The following KDM3A variants were observed in gnomAD, a reference collection of about 807,000 sequenced individuals.
The protein encoded by KDM3A is lysine-specific demethylase 3A.
In KDM3A, 60 loss-of-function variants were observed where a neutral mutation model predicts 158.0. The ratio of observed to expected loss-of-function variants is 0.38; its 90% CI spans 0.31 to 0.47. The LOEUF is 0.47. Among genes scored for constraint, KDM3A ranks in the 20% least tolerant of loss-of-function variants. The probability of loss-of-function intolerance (pLI) is 0.99; values close to 1 mark genes in which losing one functional copy is unlikely to be tolerated. For synonymous variants in KDM3A, 608 were observed against 549.3 expected, an observed-to-expected ratio of 1.11 and a Z score of -1.49; for missense variants, 1,319 against 1,574.3, an observed-to-expected ratio of 0.84 and a Z score of 2.74.
chr2:86,454,154 C>T (rs1369538344), intron 4 of KDM3A, among the ~76,000 whole-genome samples: 2 of 152,150 alleles, frequency 1.3e-5, no homozygotes, highest in African/African-American at 2.4e-5. Flanking sequence ...AAAAAGAATG[C>T]ATTTTGTAAT....
upstream of KDM3A, chr2:86,441,221 G>C (rs894365941): frequency 6.6e-6 from 1 of 152,336 alleles, no homozygotes; most frequent in Non-Finnish European, 1.5e-5. Flanking sequence ...TTTTTTCTCT[G>C]GCCCCGCCCT....
chr2:86,440,001 C>T (rs576062059), upstream of KDM3A, among the ~76,000 whole-genome samples: 1 of 152,090 alleles, frequency 6.6e-6, no homozygotes, highest in Non-Finnish European at 1.5e-5. Flanking sequence ...GAAATTAACC[C>T]ATTTACATTT....
chr2:86,482,178 G>C, intron 17 of KDM3A, 76 bp downstream of exon 17: 1 of 1,465,708 alleles, frequency 6.8e-7, no homozygotes, highest in Non-Finnish European at 9.5e-7. Flanking sequence ...AGTTGGAACT[G>C]AAAGTAGAAA....
Position 86,456,900 on chromosome 2 carries a change from T to A in KDM3A, c.754+23T>A. 2.5e-6 allele frequency: 4 copies of A among 1,586,634 alleles called. No homozygotes were observed. The South Asian group carries it at 3.3e-5, about 13-fold the overall frequency. ...GTGGTAAGATATGTTATTAAAATCT[T>A]TCTTCTCCTTCCTCCTTTCCTCCGT... On this transcript the variant is annotated intron_variant, in intron 7 of 25. Transcript: ENST00000312912.
intron 23 of KDM3A, chr2:86,489,889 T>C (rs1573216191): frequency 7.2e-6 from 3 of 414,950 alleles, no homozygotes; most frequent in Middle Eastern, 1.2e-3. Flanking sequence ...CTGTGTTTTG[T>C]GTTAGAGTGC....
Position 86,491,172 on chromosome 2 carries a change from C to A in KDM3A, c.3782C>A (p.Ala1261Asp). ...VHNLYSCIKV[A>D]EDFVSPEHVK... ...AACTTATATAGCTGCATCAAAGTGG[C>A]TGAAGATTTTGTTTCTCCAGAGCAT... Residue 1261 changes from alanine to aspartate, a missense_variant, in exon 25 of 26, where the codon GCT (alanine) becomes GAT (aspartate). Ala to Asp is a moderately radical substitution (Grantham distance 126). This residue lies in a region of KDM3A where 186 missense variants were observed against 340.9 expected (regional missense o/e 0.55). Transcript: ENST00000312912. 1 of 1,613,978 alleles carries A rather than the reference C, an allele frequency of 6.2e-7. No homozygotes were observed. The highest frequency in any genetic ancestry group is 8.5e-7 in the Non-Finnish European group (1 of 1,179,894).
At position 86,482,491 on chromosome 2, in the gene KDM3A, C is replaced by G. The variant is rs1203036683; in HGVS notation, c.2719C>G (p.Leu907Val). The change falls in exon 18 of 26, where the codon CTT (leucine) becomes GTT (valine). Residue 907 changes from leucine (L) to valine (V), a missense_variant. Coordinates refer to ENST00000312912, the MANE Select transcript of KDM3A (RefSeq NM_018433.6). ...ENGLKNTPKILDDIFASLVQN... is the reference protein window; with the variant it reads ...ENGLKNTPKIVDDIFASLVQN... ...TGGACTCAAGAATACACCAAAAATC[C>G]TTGATGACATCTTTGCCTCTTTGGT... is the stretch of plus-strand genomic sequence containing the variant. 1 of 1,614,110 alleles carries G rather than the reference C, an allele frequency of 6.2e-7. No individual in the cohort carries two copies. Among genetic ancestry groups the G allele is most frequent in the South Asian group, 1.1e-5 (1 of 91,074 alleles).
intron 2 of KDM3A, among the ~76,000 whole-genome samples, chr2:86,445,837 G>C (rs780524335): frequency 6.6e-6 from 1 of 152,200 alleles, no homozygotes; most frequent in African/African-American, 2.4e-5. Flanking sequence ...GGCATAAGAA[G>C]ACATAAGTGG....
At chr2:86,485,353 A>G (rs575958080) in intron 20 of KDM3A, among the ~76,000 whole-genome samples, 4 of 152,354 alleles carry the variant, frequency 2.6e-5, no homozygotes, top group East Asian at 3.9e-4. Flanking sequence ...GGTCAGGACA[A>G]TGTAGTCACA....
At chr2:86,489,690 G>C in intron 23 of KDM3A, 31 bp downstream of exon 23, 1 of 1,586,580 alleles carries the variant, frequency 6.3e-7, no homozygotes. Context: ...GTGAACAGAG[G>C]CATAAGGAAT....
intron 11 of KDM3A, among the ~76,000 whole-genome samples, chr2:86,473,843 A>T (rs111661100): frequency 6.6e-6 from 1 of 152,258 alleles, no homozygotes; most frequent in Non-Finnish European, 1.5e-5. Context: ...TTGAAGGCAG[A>T]TAATGAACAA....
At chr2:86,467,962 G>C (rs913109776) in intron 10 of KDM3A, among the ~76,000 whole-genome samples, 1 of 152,084 alleles carries the variant, frequency 6.6e-6, no homozygotes, top group Non-Finnish European at 1.5e-5. Flanking sequence ...GGAGTTGGAG[G>C]CTGCGGTGAG....
intron 11 of KDM3A, among the ~76,000 whole-genome samples, chr2:86,474,370 T>C (rs1337882316): frequency 6.6e-6 from 1 of 152,142 alleles, no homozygotes; most frequent in African/African-American, 2.4e-5. Flanking sequence ...TAAATAGTAA[T>C]TACAAGTTGT....
rs561607525 is a variant in KDM3A at position 86,443,505 on chromosome 2, C to T, written c.186+1272C>T. On this transcript the variant is annotated intron_variant, in intron 2 of 25. Coordinates refer to ENST00000312912, the MANE Select transcript of KDM3A (RefSeq NM_018433.6). ...GTGGCAAGCACTTCACAACTATGAT[C>T]TCGTTTAATCCTTACAGCAGTTCTT... The T allele has an allele frequency of 5.9e-5, 9 of 152,284 alleles. No homozygotes were observed. In the East Asian group the frequency reaches 1.2e-3, roughly 20 times the overall value. The allele number at this position is 152,284 out of a possible 1,614,324, so 9.4% of individuals were successfully genotyped here.
intron 11 of KDM3A, 53 bp downstream of exon 11, chr2:86,470,461 A>T: frequency 7.0e-7 from 1 of 1,419,070 alleles, no homozygotes; most frequent in Non-Finnish European, 9.9e-7. Flanking sequence ...GTTATGCTAG[A>T]TCATCTGGCA....
At chr2:86,442,402 C>T (rs990072876) in intron 2 of KDM3A, 169 bp downstream of exon 2, 12 of 651,030 alleles carry the variant, frequency 1.8e-5, no homozygotes, top group Middle Eastern at 8.6e-4. Flanking sequence ...TGTATAGAGC[C>T]GAGTTGTGTT....
At position 86,474,925 on chromosome 2, in the gene KDM3A, T is replaced by C. The variant is rs200823669; in HGVS notation, c.1874T>C (p.Ile625Thr). The stretch of plus-strand genomic sequence containing the variant: ...ACAGCAAAGTACATCTTGGCCAACA[T>C]TGGAGACCACTTCTGTCAAATGGTG... ...LDTAKYILAN[I>T]GDHFCQMVIS... The change falls in exon 12 of 26, where the codon ATT becomes ACT. Residue 625 changes from isoleucine to threonine, a missense_variant. Physicochemically the swap from Ile to Thr is moderately conservative, Grantham distance 89 (BLOSUM62 -1). Transcript: ENST00000312912. 5.6e-5 allele frequency: 91 copies of C among 1,614,098 alleles called. No individual in the cohort carries two copies. The East Asian group carries it at 1.7e-3, about 30-fold the overall frequency.
In KDM3A at chr2:86,451,365, C is replaced by T. The variant is rs575268133; in HGVS notation, c.453+152C>T. 1.2e-5 allele frequency: 6 copies of T among 508,268 alleles called. No individual in the cohort carries two copies. The East Asian group carries it at 1.9e-4, about 16-fold the overall frequency. 31.5% of individuals were successfully genotyped at this position (508,268 alleles called of 1,614,324 possible). A position where few individuals can be genotyped will look rare whatever the true frequency, so the allele number is the denominator to read the frequency against. ...CATCTACATATAACTTTGATTCCCT[C>T]CAAACTCTACTAATAGCTTACTGTT... is the stretch of plus-strand genomic sequence containing the variant. On this transcript the variant is annotated intron_variant, in intron 4 of 25. Coordinates refer to ENST00000312912, the MANE Select transcript of KDM3A (RefSeq NM_018433.6).
At position 86,474,872 on chromosome 2, in the gene KDM3A, CA is replaced by C; in HGVS notation, c.1826del (p.Asn609ThrfsTer25). 4 of 1,613,848 alleles carry C rather than the reference CA, an allele frequency of 2.5e-6. No individual in the cohort carries two copies. The highest frequency in any genetic ancestry group is 3.4e-6 in the Non-Finnish European group (4 of 1,179,912). ...CAATTGGCTTGTGGTTACCTTTAAC[CA>C]AAAACGTTGTGGGGATTGATTTGGA... is the stretch of plus-strand genomic sequence containing the variant. ...EAIGLWLPLTKNVVGIDLDTA... is the reference protein window; with the variant it reads ...EAIGLWLPLTXNVVGIDLDTA... On this transcript the variant is annotated frameshift_variant, in exon 12 of 26. Coordinates refer to ENST00000312912, the MANE Select transcript of KDM3A (RefSeq NM_018433.6). LOFTEE classifies it high-confidence loss of function.
Sources: gnomAD v4.1 joint callset for allele counts (sites outside exome capture counted in the v4.1 genomes callset) on GRCh38, gnomAD v4.1.1 for gene constraint, gnomAD v4.1.1 regional missense constraint, MANE v1.5 for transcripts, NCBI Gene and HGNC (gene_info 2026-07-23, HGNC 2026-07-21) for gene names.